SUSD5: variants seen among roughly 807,000 people sequenced by gnomAD.
SUSD5 encodes the protein sushi domain containing 5.
SUSD5 carries 33 observed loss-of-function variants against 29.5 expected under a neutral mutation model. The ratio of observed to expected loss-of-function variants is 1.12; its 90% CI spans 0.85 to 1.49. The LOEUF (loss-of-function observed/expected upper bound fraction) is 1.49. Ranked by LOEUF, SUSD5 falls within the 40% of genes most tolerant of loss-of-function variation. SUSD5 has a pLI of 0.00. For synonymous variants in SUSD5, 308 were observed against 325.3 expected (o/e 0.95, Z 0.57); for missense variants, 776 against 800.6 (o/e 0.97, Z 0.37).
intron 3 of SUSD5, among the ~76,000 whole-genome samples, chr3:33,180,397 G>A (rs2031643815): frequency 6.6e-6 from 1 of 152,184 alleles, no homozygotes; most frequent in Non-Finnish European, 1.5e-5. Context: ...GTCTTGCTCT[G>A]TCACTCACGT....
chr3:33,206,819 A>G (rs1411745900), intron 3 of SUSD5, among the ~76,000 whole-genome samples: 1 of 152,172 alleles, frequency 6.6e-6, no homozygotes, highest in Non-Finnish European at 1.5e-5. Context: ...TGGGCTGTAC[A>G]TTAAAATCAC....
At position 33,183,469 on chromosome 3, in the gene SUSD5, G is replaced by C. The variant is rs184420653; in HGVS notation, c.410-8395C>G. ...TGGTGGTTGCAATACACATTTACAA[G>C]TCCAACTCCACTTTCAAATAACACT... On this transcript the variant is annotated intron_variant, in intron 3 of 4. Transcript: ENST00000309558. 8.6e-5 allele frequency among the ~76,000 whole-genome samples: 13 copies of C among 151,826 alleles called. No homozygotes were observed. The East Asian group carries it at 1.9e-3, about 23-fold the overall frequency.
At position 33,151,339 on chromosome 3, in the gene SUSD5, C is replaced by T. The variant is rs546062678; in HGVS notation, c.*1403G>A. On this transcript the variant is annotated 3_prime_UTR_variant, in exon 5 of 5. Transcript: ENST00000309558. ...TTTGAGAACCACTGCCATAAACCAT[C>T]CTCGCTGAGCCACCCTAAGATGATT... is the stretch of plus-strand genomic sequence containing the variant. 6.6e-6 allele frequency: 1 copy of T among 152,284 alleles called. No individual in the cohort carries two copies. Among genetic ancestry groups the T allele is most frequent in the South Asian group, 2.1e-4 (1 of 4,824 alleles). 9.4% of individuals were successfully genotyped at this position (152,284 alleles called of 1,614,324 possible). A position where few individuals can be genotyped will look rare whatever the true frequency, so the allele number is the denominator to read the frequency against.
chr3:33,175,304 G>T lies in SUSD5; in HGVS notation c.410-230C>A, dbSNP rs188205509. Among the ~76,000 whole-genome samples the T allele has an allele frequency of 5.6e-3, 858 of 152,250 alleles. 2 individuals carry two copies. The highest frequency in any genetic ancestry group is 9.3e-3 in the Non-Finnish European group (635 of 68,020). On this transcript the variant is annotated intron_variant, in intron 3 of 4. Transcript: ENST00000309558. ...GTGAATAAACGCCACATAAAGTGCT[G>T]CAACTTTGCATTTTAAAGTTGCCAA...
chr3:33,218,803 G>GC lies in SUSD5; in HGVS notation c.-7_-6insG. The GC allele has an allele frequency of 1.4e-6, 2 of 1,442,048 alleles. No individual in the cohort carries two copies. Among genetic ancestry groups the GC allele is most frequent in the Admixed American group, 5.3e-5 (2 of 37,514 alleles). The allele number at this position is 1,442,048 out of a possible 1,614,324, so 89.3% of individuals were successfully genotyped here. Reference sequence around the variant, plus strand: ...CTGGGTCCCTCGGCAGTCATGGTCCGGGAGTGCGCGGGCCAGCGGACTCGG... The same window carrying GC: ...CTGGGTCCCTCGGCAGTCATGGTCCGCGGAGTGCGCGGGCCAGCGGACTCGG... On this transcript the variant is annotated 5_prime_UTR_variant, in exon 1 of 5. Coordinates refer to ENST00000309558, the MANE Select transcript of SUSD5 (RefSeq NM_015551.2).
intron 3 of SUSD5, among the ~76,000 whole-genome samples, chr3:33,188,881 T>A (rs566657525): frequency 2.9e-4 from 44 of 152,316 alleles, no homozygotes; most frequent in African/African-American, 1.1e-3. Context: ...AATTATACCT[T>A]AATGAACTAA....
At chr3:33,218,634 C>A in intron 1 of SUSD5, 52 bp downstream of exon 1, 2 of 1,251,730 alleles carry the variant, frequency 1.6e-6, no homozygotes, top group Non-Finnish European at 2.0e-6. Flanking sequence ...TACGCCCTCC[C>A]TGCCCGGACC....
rs1256163546 is a variant in SUSD5 at position 33,150,097 on chromosome 3, C to T, written c.*2645G>A. ...CTCAGAAGCTTTGTGTTAATAGAAC[C>T]CCCTCCCCCAATTTTCATGAGCATT... On this transcript the variant is annotated 3_prime_UTR_variant, in exon 5 of 5. Transcript: ENST00000309558. 6.6e-6 allele frequency: 1 copy of T among 151,868 alleles called. No homozygotes were observed. Among genetic ancestry groups the T allele is most frequent in the Non-Finnish European group, 1.5e-5 (1 of 67,980 alleles). The allele number at this position is 151,868 out of a possible 1,614,324, so 9.4% of individuals were successfully genotyped here.
In SUSD5 at chr3:33,163,090, AC is replaced by A. The variant is rs1352491198; in HGVS notation, c.599-9058del. Reference sequence around the variant, plus strand: ...CAAAACTCTAGGCACAGGTGGATTTACCAATGAATTCCATCAAATGTTTAAG... The same window carrying A: ...CAAAACTCTAGGCACAGGTGGATTTACAATGAATTCCATCAAATGTTTAAG... On this transcript the variant is annotated intron_variant, in intron 4 of 4. Coordinates refer to ENST00000309558, the MANE Select transcript of SUSD5 (RefSeq NM_015551.2). 3.3e-5 allele frequency among the ~76,000 whole-genome samples: 5 copies of A among 152,266 alleles called. No homozygotes were observed. In the East Asian group the frequency reaches 9.6e-4, roughly 29 times the overall value.
At chr3:33,191,015 AT>A (rs2031879375) in intron 3 of SUSD5, among the ~76,000 whole-genome samples, 1 of 152,120 alleles carries the variant, frequency 6.6e-6, no homozygotes, top group African/African-American at 2.4e-5. Context: ...CATAGAGCAT[AT>A]TATGTACCCT....
intron 3 of SUSD5, among the ~76,000 whole-genome samples, chr3:33,182,063 A>G (rs1019813962): frequency 1.3e-5 from 2 of 152,118 alleles, no homozygotes; most frequent in African/African-American, 4.8e-5. Flanking sequence ...TTTTTCTAAT[A>G]TATGTATTCA....
intron 2 of SUSD5, among the ~76,000 whole-genome samples, chr3:33,211,556 A>G (rs906832172): frequency 6.6e-6 from 1 of 152,190 alleles, no homozygotes; most frequent in Admixed American, 6.5e-5. Flanking sequence ...TTGTCCCTTT[A>G]TTCAGTTGCT....
chr3:33,164,305 AAGT>A (rs1481094218), intron 4 of SUSD5, among the ~76,000 whole-genome samples: 1 of 152,232 alleles, frequency 6.6e-6, no homozygotes, highest in Non-Finnish European at 1.5e-5. Context: ...TAGAAACAGA[AAGT>A]AGAATGGTGG....
chr3:33,178,069 A>G (rs2031588806), intron 3 of SUSD5, among the ~76,000 whole-genome samples: 1 of 152,158 alleles, frequency 6.6e-6, no homozygotes, highest in African/African-American at 2.4e-5. Flanking sequence ...AAAGCTTCAA[A>G]TTTCTACCCT....
chr3:33,179,085 A>G (rs1205158632), intron 3 of SUSD5, among the ~76,000 whole-genome samples: 1 of 152,194 alleles, frequency 6.6e-6, no homozygotes, highest in Non-Finnish European at 1.5e-5. Context: ...TTGGAAGGTA[A>G]TTAGTTATTG....
chr3:33,171,227 A>G (rs1336081297), intron 4 of SUSD5, among the ~76,000 whole-genome samples: 3 of 152,194 alleles, frequency 2.0e-5, no homozygotes, highest in Non-Finnish European at 4.4e-5. Context: ...CATGCCTGTA[A>G]TCCCAGCTAT....
rs1200815952 is a variant in SUSD5, at chr3:33,151,216, C to T, written c.*1526G>A. On this transcript the variant is annotated 3_prime_UTR_variant, in exon 5 of 5. Coordinates refer to ENST00000309558, the MANE Select transcript of SUSD5 (RefSeq NM_015551.2). The stretch of plus-strand genomic sequence containing the variant: ...TTAAAAACAGAACTGGGCCCTACTC[C>T]CAGGGTTCCTGTTTCCTGAGTCCAG... The T allele has an allele frequency of 1.3e-5, 2 of 152,156 alleles. No individual in the cohort carries two copies. Among genetic ancestry groups the T allele is most frequent in the East Asian group, 1.9e-4 (1 of 5,192 alleles). The allele number at this position is 152,156 out of a possible 1,614,324, so 9.4% of individuals were successfully genotyped here.
At position 33,193,469 on chromosome 3, in the gene SUSD5, T is replaced by C. The variant is rs553089953; in HGVS notation, c.409+14339A>G. Among the ~76,000 whole-genome samples, 3 of 152,214 alleles carry C rather than the reference T, an allele frequency of 2.0e-5. No homozygotes were observed. In the East Asian group the frequency reaches 5.8e-4, roughly 29 times the overall value. ...TAGGGGTGAGATGAGGATCAGGGCA[T>C]AGGAGGCTGAGGGATATGAGTATAA... On this transcript the variant is annotated intron_variant, in intron 3 of 4. Coordinates refer to ENST00000309558, the MANE Select transcript of SUSD5 (RefSeq NM_015551.2).
chr3:33,173,919 G>T (rs1261863581), intron 4 of SUSD5, among the ~76,000 whole-genome samples: 1 of 152,176 alleles, frequency 6.6e-6, no homozygotes, highest in African/African-American at 2.4e-5. Context: ...GGGAGGCCAG[G>T]CCTGGCTGTG....
Sources: gnomAD v4.1 joint callset for allele counts (sites outside exome capture counted in the v4.1 genomes callset) on GRCh38, gnomAD v4.1.1 for gene constraint, MANE v1.5 for transcripts, NCBI Gene and HGNC (gene_info 2026-07-23, HGNC 2026-07-21) for gene names.